EVA1C: variants seen among roughly 807,000 people sequenced by gnomAD.
EVA1C encodes protein eva-1 homolog C.
Under a neutral mutation model 45.4 loss-of-function variants are expected in EVA1C, and 25 were observed. The observed-to-expected ratio is 0.55, with a 90% CI of 0.40 to 0.77. The LOEUF is 0.77. Among genes scored for constraint, EVA1C ranks in the 30% least tolerant of loss-of-function variants. The pLI, the probability that EVA1C is intolerant of heterozygous loss-of-function variation, is 0.00. For missense variants in EVA1C, 479 were observed against 554.8 expected (o/e 0.86, Z 1.37); for synonymous variants, 190 against 221.2 (o/e 0.86, Z 1.25).
At chr21:32,463,425 T>C (rs560835362) in intron 3 of EVA1C, among the ~76,000 whole-genome samples, 2 of 152,280 alleles carry the variant, frequency 1.3e-5, no homozygotes, top group Non-Finnish European at 2.9e-5. Context: ...ATGTTAGTAG[T>C]TTCCTAATTT....
In EVA1C at chr21:32,482,452, C is replaced by T. The variant is rs536567480; in HGVS notation, c.635-12575C>T. ...ACCCTCTTCACAGAAGAACTGAACCCCTTCACGGTTCTCCAATGAGTAGAA... is the reference window on the plus strand; with the variant it reads ...ACCCTCTTCACAGAAGAACTGAACCTCTTCACGGTTCTCCAATGAGTAGAA... On this transcript the variant is annotated intron_variant, in intron 4 of 7. Coordinates refer to ENST00000300255, the MANE Select transcript of EVA1C (RefSeq NM_058187.5). Among the ~76,000 whole-genome samples the T allele has an allele frequency of 1.8e-4, 27 of 152,260 alleles. No individual in the cohort carries two copies. The South Asian group carries it at 5.6e-3, about 32-fold the overall frequency.
At position 32,457,800 on chromosome 21, in the gene EVA1C, C is replaced by T. The variant is rs536093028; in HGVS notation, c.481+80C>T. On this transcript the variant is annotated intron_variant, in intron 3 of 7. Coordinates refer to ENST00000300255, the MANE Select transcript of EVA1C (RefSeq NM_058187.5). ...ACACTCCTGGTCAAAATTCTCTGCC[C>T]GTTGGCATTTGTCCAACTTTGAAAC... The T allele has an allele frequency of 9.7e-6, 15 of 1,547,346 alleles. No individual in the cohort carries two copies. The East Asian group carries it at 1.4e-4, about 14-fold the overall frequency.
In EVA1C at chr21:32,513,556, T is replaced by C. The variant is rs1192953335; in HGVS notation, c.950-1258T>C. ...TATTTTAATATTTTTCTTTTCTTTTTTTTTTTTTTTTTTTGAGGCAGGGTC... is the reference window on the plus strand; with the variant it reads ...TATTTTAATATTTTTCTTTTCTTTTCTTTTTTTTTTTTTTGAGGCAGGGTC... On this transcript the variant is annotated intron_variant, in intron 7 of 7. Transcript: ENST00000300255. Among the ~76,000 whole-genome samples the C allele has an allele frequency of 2.8e-4, 39 of 138,628 alleles. 1 individual carries two copies. The highest frequency in any genetic ancestry group is 3.6e-4 in the Admixed American group (5 of 14,050). The allele number at this position is 138,628 out of a possible 152,430, so 90.9% of individuals were successfully genotyped here. A position where few individuals can be genotyped will look rare whatever the true frequency, so the allele number is the denominator to read the frequency against.
intron 1 of EVA1C, among the ~76,000 whole-genome samples, chr21:32,443,185 A>G (rs1194898836): frequency 6.6e-6 from 1 of 152,150 alleles, no homozygotes; most frequent in Non-Finnish European, 1.5e-5. Context: ...GTGTAATTTG[A>G]TTAGAGCTGG....
chr21:32,498,323 G>A (rs2037419155), intron 5 of EVA1C, among the ~76,000 whole-genome samples: 1 of 151,876 alleles, frequency 6.6e-6, no homozygotes, highest in Admixed American at 6.6e-5. Flanking sequence ...GCGCATGCCT[G>A]TAATCCCAGC....
intron 3 of EVA1C, 108 bp from the exon 4 acceptor site, chr21:32,467,588 C>T (rs1601343715): frequency 3.5e-6 from 4 of 1,134,500 alleles, no homozygotes; most frequent in East Asian, 2.8e-5. Flanking sequence ...CCCACTGCCC[C>T]CTTCTCAGGG....
chr21:32,420,076 G>A (rs1025461980), intron 1 of EVA1C, among the ~76,000 whole-genome samples: 1 of 152,160 alleles, frequency 6.6e-6, no homozygotes, highest in Non-Finnish European at 1.5e-5. Context: ...GTGCACCACC[G>A]GCTCAGCAGA....
intron 1 of EVA1C, among the ~76,000 whole-genome samples, chr21:32,441,243 C>T (rs2833831): frequency 0.023 from 3,573 of 152,152 alleles, 133 homozygotes; most frequent in African/African-American, 0.08. Flanking sequence ...CAGGTTTCTA[C>T]GTAGCAAGAT....
intron 3 of EVA1C, among the ~76,000 whole-genome samples, chr21:32,460,327 CA>C (rs1200456623): frequency 6.6e-6 from 1 of 152,148 alleles, no homozygotes; most frequent in Non-Finnish European, 1.5e-5. Context: ...TTTCTCTGTC[CA>C]AAAAACAACA....
intron 2 of EVA1C, among the ~76,000 whole-genome samples, 157 bp from the exon 3 acceptor site, chr21:32,457,440 C>A (rs941540215): frequency 6.6e-6 from 1 of 152,192 alleles, no homozygotes; most frequent in Non-Finnish European, 1.5e-5. Flanking sequence ...AGGGAGCTAA[C>A]CCAATCACCC....
chr21:32,442,819 G>A (rs1418398758), intron 1 of EVA1C, among the ~76,000 whole-genome samples: 2 of 151,956 alleles, frequency 1.3e-5, no homozygotes, highest in Non-Finnish European at 2.9e-5. Context: ...CTTATATCCT[G>A]CGTTCAGAGT....
chr21:32,505,053 G>T (rs1485912662), intron 7 of EVA1C, among the ~76,000 whole-genome samples: 2 of 151,992 alleles, frequency 1.3e-5, no homozygotes, highest in African/African-American at 4.8e-5. Flanking sequence ...CACCAGAACA[G>T]CATGGGAAAG....
Position 32,501,378 on chromosome 21 carries a change from T to G in EVA1C, c.779-37T>G, listed in dbSNP as rs1481839640. 2.6e-6 allele frequency: 4 copies of G among 1,562,110 alleles called. No individual in the cohort carries two copies. The South Asian group carries it at 4.6e-5, about 18-fold the overall frequency. ...ATTAAGAGTCCACATTTTAAAAATA[T>G]ACCACGAATTTAAAATATTTCTTTT... On this transcript the variant is annotated intron_variant, in intron 5 of 7. Transcript: ENST00000300255.
chr21:32,485,230 G>C (rs2036934041), intron 4 of EVA1C, among the ~76,000 whole-genome samples: 1 of 152,086 alleles, frequency 6.6e-6, no homozygotes, highest in African/African-American at 2.4e-5. Flanking sequence ...ACACAGGCTG[G>C]AGTGCAATGG....
chr21:32,476,673 G>A (rs2036579517), intron 4 of EVA1C, among the ~76,000 whole-genome samples: 1 of 152,068 alleles, frequency 6.6e-6, no homozygotes, highest in African/African-American at 2.4e-5. Flanking sequence ...AGTTCAAGAG[G>A]AAGAGGGTGG....
chr21:32,496,819 C>T (rs2037367033), intron 5 of EVA1C: 8 of 814,760 alleles, frequency 9.8e-6, no homozygotes, highest in Middle Eastern at 3.5e-4. Context: ...GGAGTATATT[C>T]TAGTGAAAGG....
At chr21:32,426,268 T>C (rs1281078569) in intron 1 of EVA1C, among the ~76,000 whole-genome samples, 4 of 152,200 alleles carry the variant, frequency 2.6e-5, no homozygotes, top group Admixed American at 6.5e-5. Flanking sequence ...GGAGAGGTGT[T>C]CAGACTTGAA....
At chr21:32,427,276 T>TA (rs1351980328) in intron 1 of EVA1C, among the ~76,000 whole-genome samples, 1 of 152,198 alleles carries the variant, frequency 6.6e-6, no homozygotes, top group Non-Finnish European at 1.5e-5. Flanking sequence ...ATGTATATAA[T>TA]ACATTTGTTT....
At chr21:32,491,337 G>A (rs918850035) in intron 4 of EVA1C, among the ~76,000 whole-genome samples, 2 of 151,970 alleles carry the variant, frequency 1.3e-5, no homozygotes, top group Non-Finnish European at 2.9e-5. Flanking sequence ...CTGAGGAGTC[G>A]GACTTGGTCA....
Sources: gnomAD v4.1 joint callset for allele counts (sites outside exome capture counted in the v4.1 genomes callset) on GRCh38, gnomAD v4.1.1 for gene constraint, MANE v1.5 for transcripts, NCBI Gene and HGNC (gene_info 2026-07-23, HGNC 2026-07-21) for gene names.